The following IQCM variants were observed in gnomAD, a reference collection of about 807,000 sequenced individuals.
IQCM encodes IQ domain-containing protein M.
A neutral mutation model predicts 57.6 loss-of-function variants in IQCM; 45 were observed. The observed-to-expected ratio is 0.78, with a 90% CI of 0.62 to 1.00. The LOEUF (loss-of-function observed/expected upper bound fraction) is 1.00. IQCM is among the 50% of genes least tolerant of loss of function. IQCM has a pLI of 0.00. For synonymous variants in IQCM, 148 were observed against 158.9 expected (o/e 0.93, Z 0.51); for missense variants, 468 against 511.6 (o/e 0.91, Z 0.82).
chr4:149,363,351 G>C (rs1376980264), intron 13 of IQCM, among the ~76,000 whole-genome samples: 1 of 152,144 alleles, frequency 6.6e-6, no homozygotes, highest in Non-Finnish European at 1.5e-5. Flanking sequence ...AGTAGGGTGG[G>C]TCCAGGAATA....
intron 7 of IQCM, among the ~76,000 whole-genome samples, chr4:149,673,985 A>C (rs1414934170): frequency 6.6e-6 from 1 of 152,140 alleles, no homozygotes; most frequent in Non-Finnish European, 1.5e-5. Context: ...TTATTTTCTG[A>C]ATTTAATTAT....
chr4:149,602,566 A>G (rs566301872), intron 8 of IQCM, among the ~76,000 whole-genome samples: 6 of 152,198 alleles, frequency 3.9e-5, no homozygotes, highest in African/African-American at 1.2e-4. Context: ...GAATCTGTAT[A>G]CTTACCTAAA....
intron 12 of IQCM, among the ~76,000 whole-genome samples, chr4:149,481,033 C>T (rs1421360340): frequency 6.6e-6 from 1 of 152,072 alleles, no homozygotes. Flanking sequence ...TTTCCTATGC[C>T]TGTTTGCCAT....
intron 7 of IQCM, among the ~76,000 whole-genome samples, chr4:149,671,970 T>C (rs943077687): frequency 1.3e-5 from 2 of 152,138 alleles, no homozygotes; most frequent in African/African-American, 2.4e-5. Context: ...CTGCAATATT[T>C]GCTGTTCTAC....
chr4:149,802,871 C>A (rs564103019), intron 2 of IQCM, among the ~76,000 whole-genome samples: 1 of 151,926 alleles, frequency 6.6e-6, no homozygotes, highest in African/African-American at 2.4e-5. Flanking sequence ...CTACAGAAGA[C>A]ACTCGGAAAA....
chr4:149,410,666 C>A (rs1179952446), intron 13 of IQCM, among the ~76,000 whole-genome samples: 1 of 151,594 alleles, frequency 6.6e-6, no homozygotes, highest in South Asian at 2.1e-4. Flanking sequence ...TGCTCTTGTA[C>A]CTTTGCCTTA....
intron 13 of IQCM, among the ~76,000 whole-genome samples, chr4:149,352,860 C>T (rs1289181490): frequency 6.6e-6 from 1 of 151,962 alleles, no homozygotes; most frequent in Non-Finnish European, 1.5e-5. Context: ...CTGTGGCCAC[C>T]ATTATACAAA....
chr4:149,721,102 G>A lies in IQCM; in HGVS notation c.385+12142C>T, dbSNP rs145852586. Reference sequence around the variant, plus strand: ...TTCAGCATCTACTGATTCAACTAATGGCAGGTTGAAAATATTTTTTTAAAA... The same window carrying A: ...TTCAGCATCTACTGATTCAACTAATAGCAGGTTGAAAATATTTTTTTAAAA... On this transcript the variant is annotated intron_variant, in intron 5 of 13. Coordinates refer to ENST00000636793, the MANE Select transcript of IQCM (RefSeq NM_001363507.2). Among the ~76,000 whole-genome samples the A allele has an allele frequency of 2.7e-3, 416 of 151,884 alleles. 1 individual carries two copies. The highest frequency in any genetic ancestry group is 4.7e-3 in the Non-Finnish European group (320 of 67,898).
chr4:149,686,309 T>C, intron 6 of IQCM, 69 bp downstream of exon 6: 2 of 661,600 alleles, frequency 3.0e-6, no homozygotes, highest in Non-Finnish European at 4.3e-6. Context: ...ACCATGACAA[T>C]TGGTCAGGGA....
chr4:149,616,018 A>T (rs915508343), intron 8 of IQCM, among the ~76,000 whole-genome samples: 3 of 152,234 alleles, frequency 2.0e-5, no homozygotes, highest in African/African-American at 7.2e-5. Flanking sequence ...AAAATGGTAC[A>T]GCCACTGTGG....
chr4:149,499,827 C>T (rs1743055725), intron 12 of IQCM, among the ~76,000 whole-genome samples: 1 of 152,134 alleles, frequency 6.6e-6, no homozygotes, highest in Non-Finnish European at 1.5e-5. Flanking sequence ...GACAGAAAGT[C>T]AGTTGTGATT....
At chr4:149,585,296 G>A (rs555049019) in intron 9 of IQCM, among the ~76,000 whole-genome samples, 2 of 151,608 alleles carry the variant, frequency 1.3e-5, no homozygotes, top group Non-Finnish European at 3.0e-5. Flanking sequence ...GAAACCTCTA[G>A]CCGAAAAATA....
rs967587119 is a variant in IQCM, at chr4:149,712,106, T to A, written c.385+21138A>T. ...CAGTGCCAGCTTAGAGAAGGGATGA[T>A]CAATGTCTCACATTCCACACTTTAG... On this transcript the variant is annotated intron_variant, in intron 5 of 13. Transcript: ENST00000636793. Among the ~76,000 whole-genome samples the A allele has an allele frequency of 3.9e-5, 6 of 152,244 alleles. No homozygotes were observed. In the East Asian group the frequency reaches 1.2e-3, roughly 29 times the overall value.
chr4:149,525,793 T>G (rs1746099678), intron 12 of IQCM, among the ~76,000 whole-genome samples: 1 of 151,750 alleles, frequency 6.6e-6, no homozygotes, highest in Non-Finnish European at 1.5e-5. Context: ...TTACCAAAGA[T>G]AACATAAACA....
intron 12 of IQCM, among the ~76,000 whole-genome samples, chr4:149,535,356 T>C (rs1205449252): frequency 1.3e-5 from 2 of 152,074 alleles, no homozygotes; most frequent in Non-Finnish European, 2.9e-5. Context: ...CTTTCATGTA[T>C]CAGAGACTTG....
chr4:149,809,644 G>A (rs1041386407), intron 2 of IQCM, among the ~76,000 whole-genome samples: 1 of 152,124 alleles, frequency 6.6e-6, no homozygotes, highest in Non-Finnish European at 1.5e-5. Flanking sequence ...AAAGAAGTCT[G>A]AGGGCAACAA....
chr4:149,374,397 AGACACTGTGTTGCT>A (rs1165010922), intron 13 of IQCM, among the ~76,000 whole-genome samples: 1 of 152,102 alleles, frequency 6.6e-6, no homozygotes. Context: ...AATGCTTTTC[AGACACTGTGTTGCT>A]GATTTATTTT....
intron 5 of IQCM, among the ~76,000 whole-genome samples, chr4:149,711,812 A>T (rs188874830): frequency 2.0e-4 from 30 of 152,254 alleles, no homozygotes; most frequent in Non-Finnish European, 2.1e-4. Flanking sequence ...ACTACCATCA[A>T]CTCAGTCACA....
At chr4:149,520,475 G>C (rs1745518632) in intron 12 of IQCM, among the ~76,000 whole-genome samples, 2 of 152,056 alleles carry the variant, frequency 1.3e-5, no homozygotes, top group Non-Finnish European at 2.9e-5. Context: ...AGCCTACCCA[G>C]AACCCAAATC....
Sources: allele counts gnomAD v4.1 joint callset (sites outside exome capture counted in the v4.1 genomes callset), GRCh38; gene constraint gnomAD v4.1.1; transcripts MANE v1.5; gene names NCBI Gene and HGNC (gene_info 2026-07-23, HGNC 2026-07-21).